AKAP6: variants seen among roughly 807,000 people sequenced by gnomAD.
AKAP6 encodes the protein A-kinase anchoring protein 6.
A neutral mutation model predicts 188.5 loss-of-function variants in AKAP6; 58 were observed. That is an observed-to-expected ratio of 0.31 (90% confidence interval 0.25 to 0.38). The LOEUF (loss-of-function observed/expected upper bound fraction) is 0.38. Among genes scored for constraint, AKAP6 ranks in the 10% least tolerant of loss-of-function variants. AKAP6 has a pLI of 1.00. For missense variants in AKAP6, 2,710 were observed against 2,740.0 expected (o/e 0.99, Z 0.24); for synonymous variants, 989 against 998.6 (o/e 0.99, Z 0.18).
At chr14:32,372,137 C>T (rs1042720567) in intron 1 of AKAP6, among the ~76,000 whole-genome samples, 5 of 152,170 alleles carry the variant, frequency 3.3e-5, no homozygotes, top group Non-Finnish European at 7.3e-5. Context: ...CAGAAGGATG[C>T]ACATGGTCCT....
At chr14:32,707,553 G>A (rs962360819) in intron 9 of AKAP6, among the ~76,000 whole-genome samples, 1 of 152,014 alleles carries the variant, frequency 6.6e-6, no homozygotes, top group African/African-American at 2.4e-5. Flanking sequence ...TTTTTTGTTA[G>A]ACTTCACACT....
At chr14:32,498,087 T>C (rs189519351) in intron 2 of AKAP6, among the ~76,000 whole-genome samples, 7 of 152,316 alleles carry the variant, frequency 4.6e-5, no homozygotes, top group African/African-American at 7.2e-5. Flanking sequence ...CTGATAGTTT[T>C]CAGTCGTCCT....
chr14:32,704,220 A>G (rs976595503), intron 9 of AKAP6, among the ~76,000 whole-genome samples: 6 of 152,324 alleles, frequency 3.9e-5, no homozygotes, highest in Middle Eastern at 3.4e-3. Flanking sequence ...ATTACTTCCA[A>G]TCAGGATAAT....
intron 7 of AKAP6, among the ~76,000 whole-genome samples, chr14:32,630,899 G>A (rs1887239660): frequency 6.6e-6 from 1 of 152,046 alleles, no homozygotes; most frequent in Non-Finnish European, 1.5e-5. Context: ...ACATTCTGAT[G>A]TAGTCAGCAG....
intron 5 of AKAP6, among the ~76,000 whole-genome samples, chr14:32,587,417 T>A (rs1191815876): frequency 2.0e-5 from 3 of 152,130 alleles, no homozygotes; most frequent in African/African-American, 7.2e-5. Flanking sequence ...GGGTTTCTAC[T>A]AGGGGGCAAA....
chr14:32,582,354 C>T (rs1240012444), intron 5 of AKAP6, among the ~76,000 whole-genome samples: 4 of 151,012 alleles, frequency 2.6e-5, no homozygotes, highest in Non-Finnish European at 4.4e-5. Flanking sequence ...GAGTTTCTGC[C>T]GAGAGATCCG....
At chr14:32,795,697 G>A (rs772463842) in intron 12 of AKAP6, among the ~76,000 whole-genome samples, 1 of 152,154 alleles carries the variant, frequency 6.6e-6, no homozygotes, top group African/African-American at 2.4e-5. Context: ...GGCAAAAGCT[G>A]GAAGCATTCT....
At chr14:32,812,222 A>G (rs1354170180) in intron 12 of AKAP6, among the ~76,000 whole-genome samples, 1 of 152,242 alleles carries the variant, frequency 6.6e-6, no homozygotes, top group African/African-American at 2.4e-5. Flanking sequence ...CAGATTTACC[A>G]TGTGGTAGAA....
chr14:32,379,748 C>T (rs1175882792), intron 1 of AKAP6, among the ~76,000 whole-genome samples: 1 of 152,166 alleles, frequency 6.6e-6, no homozygotes, highest in Non-Finnish European at 1.5e-5. Flanking sequence ...TCAGCAACTC[C>T]TGTCAAGAAC....
At chr14:32,671,410 T>C (rs1349889696) in intron 7 of AKAP6, among the ~76,000 whole-genome samples, 5 of 151,968 alleles carry the variant, frequency 3.3e-5, no homozygotes, top group Admixed American at 3.3e-4. Context: ...GTAAAAATGG[T>C]TTTGCTATAA....
At chr14:32,710,829 A>T (rs997971393) in intron 9 of AKAP6, among the ~76,000 whole-genome samples, 1 of 152,104 alleles carries the variant, frequency 6.6e-6, no homozygotes, top group Non-Finnish European at 1.5e-5. Flanking sequence ...AAGATAAAAC[A>T]GAATCGGGGC....
intron 2 of AKAP6, among the ~76,000 whole-genome samples, chr14:32,501,141 C>G (rs937601401): frequency 6.6e-6 from 1 of 152,102 alleles, no homozygotes; most frequent in Non-Finnish European, 1.5e-5. Context: ...AAAGTAAAAA[C>G]ACAATAAATT....
intron 1 of AKAP6, among the ~76,000 whole-genome samples, chr14:32,386,006 T>A (rs1303499265): frequency 9.4e-6 from 1 of 106,808 alleles, no homozygotes; most frequent in East Asian, 5.2e-4. Flanking sequence ...CATATGTATC[T>A]ATATCTATAT....
intron 2 of AKAP6, among the ~76,000 whole-genome samples, chr14:32,506,701 T>G (rs1880894344): frequency 6.6e-6 from 1 of 152,000 alleles, no homozygotes; most frequent in Non-Finnish European, 1.5e-5. Context: ...CCCGGCTAAT[T>G]TTTATATTTT....
At chr14:32,712,149 C>T (rs570844211) in intron 9 of AKAP6, among the ~76,000 whole-genome samples, 28 of 152,060 alleles carry the variant, frequency 1.8e-4, no homozygotes, top group Admixed American at 7.9e-4. Flanking sequence ...AAGCAAGTCA[C>T]GTGAATCTTT....
rs147543178 is a variant in AKAP6 at position 32,406,297 on chromosome 14, C to T, written c.-34-27163C>T. The stretch of plus-strand genomic sequence containing the variant: ...TGATCTTGGCTCACTGTAACCTCTG[C>T]CTCCTGGGTTCAAGCGATTCTCCTG... On this transcript the variant is annotated intron_variant, in intron 1 of 13. Coordinates refer to ENST00000280979, the MANE Select transcript of AKAP6 (RefSeq NM_004274.5). Among the ~76,000 whole-genome samples the T allele has an allele frequency of 3.5e-3, 532 of 152,278 alleles. 6 individuals are homozygous for T. Among genetic ancestry groups the T allele is most frequent in the African/African-American group, 0.012 (483 of 41,568 alleles).
chr14:32,622,077 A>T (rs1380204054), intron 7 of AKAP6, among the ~76,000 whole-genome samples: 3 of 152,098 alleles, frequency 2.0e-5, no homozygotes, highest in African/African-American at 4.8e-5. Context: ...GTACCTGAAA[A>T]TTTCATTAAT....
At chr14:32,597,045 G>A (rs1566596212) in intron 5 of AKAP6, among the ~76,000 whole-genome samples, 1 of 152,112 alleles carries the variant, frequency 6.6e-6, no homozygotes, top group African/African-American at 2.4e-5. Flanking sequence ...CTTTTCTACA[G>A]CATCGAGCTT....
chr14:32,392,589 A>G (rs12372852), intron 1 of AKAP6, among the ~76,000 whole-genome samples: 2,919 of 152,260 alleles, frequency 0.019, 49 homozygotes, highest in Middle Eastern at 0.037. Context: ...TTCCAAATAA[A>G]GGGAACTTTA....
Sources: gnomAD v4.1 joint callset for allele counts (sites outside exome capture counted in the v4.1 genomes callset) on GRCh38, gnomAD v4.1.1 for gene constraint, MANE v1.5 for transcripts, NCBI Gene and HGNC (gene_info 2026-07-23, HGNC 2026-07-21) for gene names.